GPS1: variants seen among roughly 807,000 people sequenced by gnomAD.
GPS1 encodes COP9 signalosome complex subunit 1.
GPS1 carries 11 observed loss-of-function variants against 60.0 expected under a neutral mutation model. That is an observed-to-expected ratio of 0.18 (90% CI 0.12 to 0.30). The LOEUF (loss-of-function observed/expected upper bound fraction) is 0.30. Among genes scored for constraint, GPS1 ranks in the 10% least tolerant of loss-of-function variants. The pLI is 1.00. For missense variants in GPS1, 543 were observed against 669.2 expected (o/e 0.81, Z 2.08); for synonymous variants, 343 against 269.8 (o/e 1.27, Z -2.66).
At chr17:82,055,128 G>C (rs553675736) in intron 5 of GPS1, 34 bp from the exon 6 acceptor site, 10 of 1,563,736 alleles carry the variant, frequency 6.4e-6, no homozygotes, top group African/African-American at 5.4e-5. Flanking sequence ...GAAATGTGGA[G>C]CATGGGCCTC....
chr17:82,051,710 C>T (rs1158834543), upstream of GPS1: 162 of 1,032,408 alleles, frequency 1.6e-4, no homozygotes, highest in Non-Finnish European at 1.8e-4. This position sits in a 1 kb window ranked among gnomAD's most constrained non-coding sequence, Gnocchi z 4.1. Flanking sequence ...GCAGCGCGGC[C>T]AGGGCCGCGG....
At chr17:82,051,355 C>T, upstream of GPS1, 2 of 1,466,760 alleles carry the variant, frequency 1.4e-6, no homozygotes, top group South Asian at 1.5e-5. The surrounding 1 kb of genome is among the most constrained non-coding windows in gnomAD (Gnocchi z 4.1). Context: ...GGGGGAGAAA[C>T]AATCTATGAG....
In GPS1 at chr17:82,052,747, G is replaced by A. The variant is rs971418500; in HGVS notation, c.34-527G>A. ...GGTCCTGGCTTCTCTGTGTCTCCCA[G>A]CTGGGGGCCATGAGGCTCCCTGAGA... On this transcript the variant is annotated intron_variant, in intron 1 of 12. Transcript: ENST00000578552. 6 of 464,426 alleles carry A rather than the reference G, an allele frequency of 1.3e-5. No homozygotes were observed. In the East Asian group the frequency reaches 1.9e-4, roughly 15 times the overall value. The allele number at this position is 464,426 out of a possible 1,614,324, so 28.8% of individuals were successfully genotyped here. A position where few individuals can be genotyped will look rare whatever the true frequency, so the allele number is the denominator to read the frequency against.
chr17:82,052,281 C>T (rs780324128), intron 1 of GPS1: 34 of 1,612,218 alleles, frequency 2.1e-5, no homozygotes, highest in Middle Eastern at 1.6e-4. Context: ...GTGTCAGGGT[C>T]GGGGGGTGCA....
chr17:82,055,707 T>TC (rs1598516075), intron 6 of GPS1, 33 bp from the exon 7 acceptor site: 9 of 1,038,608 alleles, frequency 8.7e-6, no homozygotes, highest in South Asian at 2.7e-5. Context: ...TTACCCCCTC[T>TC]CCCCCCTCCC....
chr17:82,053,572 C>A, intron 2 of GPS1: 1 of 518,442 alleles, frequency 1.9e-6, no homozygotes, highest in Admixed American at 3.8e-5. Context: ...CATGGAGAAG[C>A]CAGGGCAGGT....
chr17:82,053,563 A>G (rs539786443), intron 2 of GPS1, 197 bp downstream of exon 2: 2 of 517,136 alleles, frequency 3.9e-6, no homozygotes, highest in African/African-American at 2.0e-5. Context: ...GATGCTGCTC[A>G]TGGAGAAGCC....
At chr17:82,053,528 A>C in intron 2 of GPS1, 162 bp downstream of exon 2, 1 of 546,716 alleles carries the variant, frequency 1.8e-6, no homozygotes. Flanking sequence ...TTGCGCACTC[A>C]CATGAGGCTT....
upstream of GPS1, chr17:82,051,099 G>T (rs1026752982): frequency 2.2e-6 from 3 of 1,359,612 alleles, no homozygotes; most frequent in Non-Finnish European, 2.8e-6. This position sits in a 1 kb window ranked among gnomAD's most constrained non-coding sequence, Gnocchi z 4.1. Context: ...AGTGTGAGAG[G>T]CTGGTGGGGA....
In GPS1 at chr17:82,057,040, G is replaced by A. The variant is rs759268369; in HGVS notation, c.1390-13G>A. 3.1e-6 allele frequency: 5 copies of A among 1,606,794 alleles called. No individual in the cohort carries two copies. The South Asian group carries it at 5.5e-5, about 18-fold the overall frequency. ...GCCTGGTGGCTGTGAGCTGCTCCTT[G>A]TCTCCCCTGCAGTCCCCGCCCAGAG... On this transcript the variant is annotated splice_polypyrimidine_tract_variant and intron_variant, in intron 12 of 12. Coordinates refer to ENST00000578552, the MANE Select transcript of GPS1 (RefSeq NM_001321092.3).
In GPS1 at chr17:82,055,819, C is replaced by T; in HGVS notation, c.828C>T (p.Phe276=). The T allele has an allele frequency of 1.9e-6, 3 of 1,562,398 alleles. No individual in the cohort carries two copies. The highest frequency in any genetic ancestry group is 1.2e-5 in the South Asian group (1 of 85,346). The change falls in exon 7 of 13, where the codon TTC becomes TTT. Residue 276 remains phenylalanine, a synonymous_variant. Coordinates refer to ENST00000578552, the MANE Select transcript of GPS1 (RefSeq NM_001321092.3). The part of the protein sequence containing the change: ...LLLASFDHCD[F]PELLSPSNVA... Reference sequence around the variant, plus strand: ...TGGCTTCCTTTGATCACTGTGACTTCCCTGAGGTGAGGAGCCCTCTGGGGA... The same window carrying T: ...TGGCTTCCTTTGATCACTGTGACTTTCCTGAGGTGAGGAGCCCTCTGGGGA...
chr17:82,053,644 CG>C lies in GPS1; in HGVS notation c.127-221del, dbSNP rs1363918033. On this transcript the variant is annotated intron_variant, in intron 2 of 12. Transcript: ENST00000578552. ...GTGGGTGTCTATCCCCGAAAGCCCC[CG>C]GGTGCAGGGTCCCACTCCTGAGGCT... The C allele has an allele frequency of 8.9e-6, 5 of 563,644 alleles. No homozygotes were observed. The East Asian group carries it at 1.5e-4, about 17-fold the overall frequency. 34.9% of individuals were successfully genotyped at this position (563,644 alleles called of 1,614,324 possible).
intron 1 of GPS1, 130 bp downstream of exon 1, chr17:82,052,094 C>A: frequency 1.2e-6 from 1 of 841,752 alleles, no homozygotes; most frequent in Non-Finnish European, 1.5e-6. Context: ...CGGGCCTCCG[C>A]GGGCAGCGCG....
intron 6 of GPS1, chr17:82,055,514 T>C (rs1245182544): frequency 1.6e-6 from 1 of 606,574 alleles, no homozygotes; most frequent in Non-Finnish European, 2.9e-6. Flanking sequence ...CACCTAGGGC[T>C]TCCCTGCATG....
In GPS1 at chr17:82,056,373, G is replaced by A. The variant is rs1422290841; in HGVS notation, c.1017G>A (p.Lys339=). Residue 339 remains lysine (K), a synonymous_variant, in exon 9 of 13, where the codon AAG becomes AAA. Coordinates refer to ENST00000578552, the MANE Select transcript of GPS1 (RefSeq NM_001321092.3). The part of the protein sequence containing the change: ...FYESKYASCL[K]MLDEMKDNLL... ...AGTCCAAGTACGCCTCATGTCTCAA[G>A]ATGCTGGACGAGATGAAGGTGGGCC... is the stretch of plus-strand genomic sequence containing the variant. 1.9e-6 allele frequency: 3 copies of A among 1,612,916 alleles called. No individual in the cohort carries two copies. The highest frequency in any genetic ancestry group is 2.5e-6 in the Non-Finnish European group (3 of 1,179,842).
At chr17:82,052,390 C>G in intron 1 of GPS1, 1 of 1,612,070 alleles carries the variant, frequency 6.2e-7, no homozygotes, top group South Asian at 1.1e-5. Flanking sequence ...GGTCAGACCT[C>G]GTCCTGCCCG....
chr17:82,055,586 T>C, intron 6 of GPS1, 154 bp from the exon 7 acceptor site: 2 of 623,358 alleles, frequency 3.2e-6, no homozygotes, highest in East Asian at 2.7e-5. Context: ...CTAGAGTATC[T>C]GTCCCCAGCG....
chr17:82,052,374 G>C lies in GPS1; in HGVS notation c.33+410G>C, dbSNP rs1167162575. On this transcript the variant is annotated intron_variant, in intron 1 of 12. Coordinates refer to ENST00000578552, the MANE Select transcript of GPS1 (RefSeq NM_001321092.3). ...ACAGATCTGTACTGCACCCCTCACAGCAGTAGGTCAGACCTCGTCCTGCCC... is the reference window on the plus strand; with the variant it reads ...ACAGATCTGTACTGCACCCCTCACACCAGTAGGTCAGACCTCGTCCTGCCC... 3 of 1,612,472 alleles carry C rather than the reference G, an allele frequency of 1.9e-6. No individual in the cohort carries two copies. In the Admixed American group the frequency reaches 5.0e-5, roughly 27 times the overall value.
intron 1 of GPS1, chr17:82,053,014 C>T (rs1342136372): frequency 1.2e-5 from 4 of 320,574 alleles, no homozygotes; most frequent in East Asian, 9.9e-5. Flanking sequence ...CAGAGATGAG[C>T]GGCTAGAATC....
Sources: allele counts gnomAD v4.1 joint callset, GRCh38; gene constraint gnomAD v4.1.1; non-coding constraint Gnocchi (gnomAD v3.1); transcripts MANE v1.5; gene names NCBI Gene and HGNC (gene_info 2026-07-23, HGNC 2026-07-21).